The following NAALADL2 variants were observed in gnomAD, a reference collection of about 807,000 sequenced individuals.
NAALADL2 encodes the protein inactive N-acetylated-alpha-linked acidic dipeptidase-like protein 2.
NAALADL2 carries 76 observed loss-of-function variants against 87.2 expected under a neutral mutation model. That is an observed-to-expected ratio of 0.87 (90% CI 0.72 to 1.05). The LOEUF is 1.05. NAALADL2 is among the 50% of genes least tolerant of loss of function. The pLI is 0.00. For synonymous variants in NAALADL2, 354 were observed against 331.0 expected (o/e 1.07, Z -0.75); for missense variants, 1,089 against 945.8 (o/e 1.15, Z -1.99).
At chr3:175,628,211 C>T (rs1727268040) in intron 11 of NAALADL2, among the ~76,000 whole-genome samples, 1 of 151,670 alleles carries the variant, frequency 6.6e-6, no homozygotes, top group Admixed American at 6.6e-5. Flanking sequence ...TTACATGAGA[C>T]ATTCAAGACT....
At chr3:175,483,216 G>A (rs1726764772) in intron 9 of NAALADL2, among the ~76,000 whole-genome samples, 1 of 151,706 alleles carries the variant, frequency 6.6e-6, no homozygotes, top group Non-Finnish European at 1.5e-5. Flanking sequence ...GGAAGTTTAT[G>A]GAGATATGTT....
At chr3:175,569,592 C>A (rs1717716444) in intron 9 of NAALADL2, among the ~76,000 whole-genome samples, 1 of 151,934 alleles carries the variant, frequency 6.6e-6, no homozygotes, top group African/African-American at 2.4e-5. Context: ...AAATTAATGC[C>A]CTTATAAAAA....
intron 1 of NAALADL2, among the ~76,000 whole-genome samples, chr3:174,987,586 A>AT: frequency 2.1e-5 from 3 of 141,866 alleles, no homozygotes; most frequent in African/African-American, 8.3e-5. Context: ...AAAAAAAAAA[A>AT]AAAAAAAAAA....
intron 8 of NAALADL2, among the ~76,000 whole-genome samples, chr3:175,470,470 A>G (rs1724695135): frequency 6.6e-6 from 1 of 152,186 alleles, no homozygotes; most frequent in Admixed American, 6.5e-5. Flanking sequence ...CCATAAAATT[A>G]TATCATTTTA....
intron 2 of NAALADL2, among the ~76,000 whole-genome samples, chr3:175,174,864 A>ACACG (rs1735477599): frequency 6.7e-6 from 1 of 148,472 alleles, no homozygotes; most frequent in African/African-American, 2.4e-5. Context: ...ACACACACAC[A>ACACG]TATCTCTGTT....
chr3:175,587,827 A>G (rs867705053), intron 10 of NAALADL2, among the ~76,000 whole-genome samples: 5 of 152,152 alleles, frequency 3.3e-5, no homozygotes, highest in African/African-American at 1.2e-4. Flanking sequence ...CACAGTTCAT[A>G]ACCCACACAA....
intron 2 of NAALADL2, among the ~76,000 whole-genome samples, chr3:175,196,030 G>C (rs1192374095): frequency 1.3e-5 from 2 of 151,914 alleles, no homozygotes; most frequent in East Asian, 3.9e-4. Flanking sequence ...GGGTAGCCAA[G>C]GGTGGTGTTC....
At chr3:174,590,811 T>A (rs1001078826) in intron 2 of NAALADL2, among the ~76,000 whole-genome samples, 2 of 152,108 alleles carry the variant, frequency 1.3e-5, no homozygotes, top group Non-Finnish European at 2.9e-5. Context: ...ATTGAGATAA[T>A]GCATGGAAAC....
At chr3:175,639,352 G>A (rs761202030) in intron 11 of NAALADL2, among the ~76,000 whole-genome samples, 34 of 127,878 alleles carry the variant, frequency 2.7e-4, no homozygotes, top group African/African-American at 1.1e-3. Context: ...ACGGAGTCTC[G>A]CTCTGTTGCC....
At chr3:175,125,685 A>T (rs2108593803) in intron 2 of NAALADL2, among the ~76,000 whole-genome samples, 1 of 152,096 alleles carries the variant, frequency 6.6e-6, no homozygotes, top group East Asian at 1.9e-4. Flanking sequence ...ATTTTGTACA[A>T]GAATAGAAGC....
At chr3:174,925,981 A>T in intron 1 of NAALADL2, among the ~76,000 whole-genome samples, 1 of 152,322 alleles carries the variant, frequency 6.6e-6, no homozygotes, top group Non-Finnish European at 1.5e-5. Flanking sequence ...CAAATGGCTA[A>T]CTAGAATAAC....
Position 175,497,083 on chromosome 3 carries a change from AT to A in NAALADL2, c.1653+25332del, listed in dbSNP as rs35699179. On this transcript the variant is annotated intron_variant, in intron 9 of 13. Coordinates refer to ENST00000454872, the MANE Select transcript of NAALADL2 (RefSeq NM_207015.3). The stretch of plus-strand genomic sequence containing the variant: ...TGTAGTGTTTTTAATTTTAATTTTA[AT>A]TTTTTTAGAGACAGGTTCTCACTCT... Among the ~76,000 whole-genome samples, 1,351 of 152,030 alleles carry A rather than the reference AT, an allele frequency of 8.9e-3. 9 individuals are homozygous for A. Among genetic ancestry groups the A allele is most frequent in the Non-Finnish European group, 0.016 (1,057 of 67,952 alleles).
At position 175,020,028 on chromosome 3, in the gene NAALADL2, T is replaced by A. The variant is rs139067151; in HGVS notation, c.44-76762T>A. On this transcript the variant is annotated intron_variant, in intron 1 of 13. Transcript: ENST00000454872. ...GAATCCCAGAACCCATCACAGTATG[T>A]TACACATAATAAGCACACAATTAAC... Among the ~76,000 whole-genome samples the A allele has an allele frequency of 3.1e-3, 471 of 152,166 alleles. 2 individuals are homozygous for A. Among genetic ancestry groups the A allele is most frequent in the African/African-American group, 9.7e-3 (402 of 41,562 alleles).
In NAALADL2 at chr3:175,755,230, C is replaced by T. The variant is rs1248533924; in HGVS notation, c.2001C>T (p.Pro667=). 5 of 1,612,316 alleles carry T rather than the reference C, an allele frequency of 3.1e-6. No individual in the cohort carries two copies. In the Admixed American group the frequency reaches 8.3e-5, roughly 27 times the overall value. The stretch of plus-strand genomic sequence containing the variant: ...ATTTATCTTCACCAGGTGATCAACC[C>T]AACACTCATCAACTGTTAGCCATGG... The part of the protein sequence containing the change: ...EVQNNLKGDQ[P]NTHQLLAMAL... The change falls in exon 13 of 14, where the codon CCC becomes CCT. Residue 667 remains proline (P), a synonymous_variant. Transcript: ENST00000454872.
intron 1 of NAALADL2, among the ~76,000 whole-genome samples, chr3:175,009,394 G>T (rs988443259): frequency 1.2e-4 from 18 of 152,018 alleles, no homozygotes; most frequent in African/African-American, 3.6e-4. Context: ...TGTTAACATG[G>T]TTAACACGCC....
At chr3:174,961,050 A>G (rs1349715100) in intron 1 of NAALADL2, among the ~76,000 whole-genome samples, 1 of 147,578 alleles carries the variant, frequency 6.8e-6, no homozygotes, top group African/African-American at 2.5e-5. Context: ...AAATATATAT[A>G]TATATTAAAT....
intron 10 of NAALADL2, among the ~76,000 whole-genome samples, chr3:175,587,862 TG>T (rs1298731216): frequency 1.3e-5 from 2 of 152,136 alleles, no homozygotes; most frequent in Non-Finnish European, 2.9e-5. Context: ...CCCACTTCCT[TG>T]GCTTTGTATT....
intron 10 of NAALADL2, among the ~76,000 whole-genome samples, chr3:175,617,925 C>G (rs1441964026): frequency 6.6e-6 from 1 of 152,080 alleles, no homozygotes; most frequent in East Asian, 1.9e-4. Context: ...AAAGTGTTTC[C>G]TCTTCCATTC....
intron 1 of NAALADL2, among the ~76,000 whole-genome samples, chr3:175,078,227 G>A (rs1041233644): frequency 1.3e-5 from 2 of 151,910 alleles, no homozygotes; most frequent in Admixed American, 1.3e-4. Flanking sequence ...GTTTTGCCAT[G>A]TTGCCCAGGC....
Sources: allele counts gnomAD v4.1 joint callset (sites outside exome capture counted in the v4.1 genomes callset), GRCh38; gene constraint gnomAD v4.1.1; transcripts MANE v1.5; gene names NCBI Gene and HGNC (gene_info 2026-07-23, HGNC 2026-07-21).